Variants in PAPSS1 observed in about 807,000 individuals in gnomAD.
PAPSS1 encodes the protein 3'-phosphoadenosine 5'-phosphosulfate synthase 1.
PAPSS1 carries 50 observed loss-of-function variants against 72.0 expected under a neutral mutation model. The ratio of observed to expected loss-of-function variants is 0.69; its 90% confidence interval spans 0.55 to 0.88. The LOEUF (loss-of-function observed/expected upper bound fraction) is 0.88. PAPSS1 is among the 40% of genes least tolerant of loss of function. The pLI, the probability that PAPSS1 is intolerant of heterozygous loss-of-function variation, is 0.00. For synonymous variants in PAPSS1, 261 were observed against 263.6 expected (o/e 0.99, Z 0.09); for missense variants, 657 against 782.2 (o/e 0.84, Z 1.91).
chr4:107,714,898 G>A (rs1723595704), intron 1 of PAPSS1, among the ~76,000 whole-genome samples: 2 of 152,132 alleles, frequency 1.3e-5, no homozygotes, highest in Admixed American at 1.3e-4. Flanking sequence ...AATACTGCTG[G>A]ACATGCTACC....
intron 1 of PAPSS1, among the ~76,000 whole-genome samples, chr4:107,709,789 T>C (rs775424641): frequency 2.0e-5 from 3 of 152,186 alleles, no homozygotes; most frequent in Non-Finnish European, 2.9e-5. Context: ...GCTGCACCCA[T>C]TGCCTTGCCA....
At chr4:107,678,891 T>G (rs2110334638) in intron 5 of PAPSS1, among the ~76,000 whole-genome samples, 1 of 152,264 alleles carries the variant, frequency 6.6e-6, no homozygotes, top group East Asian at 1.9e-4. Context: ...CCCAGGGTCC[T>G]CTGTTTCTGG....
Position 107,614,256 on chromosome 4 carries a change from T to C in PAPSS1, c.1868A>G (p.Lys623Arg). The C allele has an allele frequency of 6.2e-7, 1 of 1,613,338 alleles. No individual in the cohort carries two copies. Among genetic ancestry groups the C allele is most frequent in the Non-Finnish European group, 8.5e-7 (1 of 1,179,582 alleles). ...VLTEYYKSLE[K>R]A The stretch of plus-strand genomic sequence containing the variant: ...AGTGACTGGGTTAACAGCCTAAGCT[T>C]TCTCCAAGGATTTGTAGTATTCTGT... The change falls in exon 12 of 12, where the codon AAA becomes AGA. Residue 623 changes from lysine to arginine, a missense_variant. Lys to Arg is a conservative substitution (Grantham distance 26). Transcript: ENST00000265174.
intron 9 of PAPSS1, among the ~76,000 whole-genome samples, chr4:107,648,336 T>C (rs1041145026): frequency 6.6e-6 from 1 of 152,212 alleles, no homozygotes; most frequent in Non-Finnish European, 1.5e-5. Context: ...CAGCAAGGAC[T>C]GTCGTGTCGT....
Position 107,614,014 on chromosome 4 carries a change from T to C in PAPSS1, c.*235A>G. The C allele has an allele frequency of 3.0e-6, 1 of 334,170 alleles. No individual in the cohort carries two copies. Among genetic ancestry groups the C allele is most frequent in the Admixed American group, 4.7e-5 (1 of 21,168 alleles). The allele number at this position is 334,170 out of a possible 1,614,324, so 20.7% of individuals were successfully genotyped here. A position where few individuals can be genotyped will look rare whatever the true frequency, so the allele number is the denominator to read the frequency against. On this transcript the variant is annotated 3_prime_UTR_variant, in exon 12 of 12. Transcript: ENST00000265174. ...TAATATAAAAAGACAATTTTAAAAT[T>C]GTATTGTAGGAATATAACTATAATA... is the stretch of plus-strand genomic sequence containing the variant.
chr4:107,667,156 C>T (rs1011747487), intron 5 of PAPSS1, among the ~76,000 whole-genome samples: 5 of 152,118 alleles, frequency 3.3e-5, no homozygotes, highest in African/African-American at 1.2e-4. Context: ...AAATGTGCGA[C>T]GTAAAGCCTA....
At chr4:107,634,111 G>A (rs533964085) in intron 10 of PAPSS1, among the ~76,000 whole-genome samples, 10 of 151,974 alleles carry the variant, frequency 6.6e-5, no homozygotes, top group South Asian at 2.1e-4. Flanking sequence ...TCAGCCTCCC[G>A]GGCTCAGGCA....
At chr4:107,719,882 G>C (rs1723733945) in intron 1 of PAPSS1, 2 of 1,348,176 alleles carry the variant, frequency 1.5e-6, no homozygotes, top group Non-Finnish European at 1.9e-6. Flanking sequence ...TTCTTCCCAC[G>C]AACGGTGGCT....
chr4:107,701,970 C>T (rs1723215071), intron 1 of PAPSS1, among the ~76,000 whole-genome samples: 2 of 86,162 alleles, frequency 2.3e-5, no homozygotes, highest in South Asian at 1.3e-3. Context: ...TCTCCCAAAG[C>T]TGCTTCAAAA....
chr4:107,695,237 T>C (rs1732144368), intron 2 of PAPSS1, among the ~76,000 whole-genome samples: 1 of 152,190 alleles, frequency 6.6e-6, no homozygotes, highest in African/African-American at 2.4e-5. Flanking sequence ...CCCAGGTATT[T>C]TACTCTCTTT....
At chr4:107,701,755 CAG>C (rs1335085840) in intron 1 of PAPSS1, among the ~76,000 whole-genome samples, 8 of 152,096 alleles carry the variant, frequency 5.3e-5, no homozygotes, top group Admixed American at 5.2e-4. Context: ...ACTACAACAT[CAG>C]AGAGTGATAA....
Position 107,657,021 on chromosome 4 carries a change from A to G in PAPSS1, c.784-14T>C. The G allele has an allele frequency of 6.4e-7, 1 of 1,571,520 alleles. No homozygotes were observed. Among genetic ancestry groups the G allele is most frequent in the Non-Finnish European group, 8.8e-7 (1 of 1,141,500 alleles). The stretch of plus-strand genomic sequence containing the variant: ...CTGCATATCCACCTAGTAAATTTGA[A>G]AGTAAAGCAAAATTTTCTATTGCAT... On this transcript the variant is annotated splice_polypyrimidine_tract_variant and intron_variant, in intron 6 of 11. Transcript: ENST00000265174.
intron 11 of PAPSS1, among the ~76,000 whole-genome samples, chr4:107,619,136 T>TTA (rs1197866533): frequency 6.6e-6 from 1 of 152,216 alleles, no homozygotes. Context: ...GACAGCAGCT[T>TTA]GCTAGATGAC....
At chr4:107,620,725 C>A (rs907356759) in intron 11 of PAPSS1, among the ~76,000 whole-genome samples, 27 of 152,022 alleles carry the variant, frequency 1.8e-4, no homozygotes, top group African/African-American at 6.5e-4. Flanking sequence ...ATTATCTGGC[C>A]CAAAAGGCCA....
chr4:107,719,187 G>GTTTTT (rs9307313), intron 1 of PAPSS1, among the ~76,000 whole-genome samples: 3,964 of 146,384 alleles, frequency 0.027, 124 homozygotes, highest in African/African-American at 0.077. Flanking sequence ...GAAATTGCTT[G>GTTTTT]TTTTTTTTTT....
chr4:107,645,933 CA>C (rs1726681378), intron 9 of PAPSS1, among the ~76,000 whole-genome samples: 1 of 152,200 alleles, frequency 6.6e-6, no homozygotes, highest in South Asian at 2.1e-4. Flanking sequence ...ATCACTGTAA[CA>C]AAAGGTACCA....
rs1289263440 is a variant in PAPSS1, at chr4:107,687,142, T to G, written c.447A>C (p.Ala149=). 6.3e-7 allele frequency: 1 copy of G among 1,593,664 alleles called. No homozygotes were observed. Among genetic ancestry groups the G allele is most frequent in the Non-Finnish European group, 8.5e-7 (1 of 1,173,642 alleles). The change falls in exon 4 of 12, where the codon GCA becomes GCC. Residue 149 remains alanine (A), a synonymous_variant. Transcript: ENST00000265174. ...RNNARQIHEG[A]SLPFFEVFVD... Reference sequence around the variant, plus strand: ...CAAATACTTCAAAAAACGGTAAACTTGCACCTTCATGAATTTGCCTTGCAT... The same window carrying G: ...CAAATACTTCAAAAAACGGTAAACTGGCACCTTCATGAATTTGCCTTGCAT...
At chr4:107,677,470 T>C (rs1237314483) in intron 5 of PAPSS1, among the ~76,000 whole-genome samples, 2 of 152,032 alleles carry the variant, frequency 1.3e-5, no homozygotes, top group Non-Finnish European at 2.9e-5. Flanking sequence ...GAAATGCAAA[T>C]CAAAACCACA....
chr4:107,705,008 T>C (rs1723299308), intron 1 of PAPSS1, among the ~76,000 whole-genome samples: 1 of 151,794 alleles, frequency 6.6e-6, no homozygotes. Flanking sequence ...CTGAAATAAA[T>C]CCCACTTGAT....
Sources: gnomAD v4.1 joint callset for allele counts (sites outside exome capture counted in the v4.1 genomes callset) on GRCh38, gnomAD v4.1.1 for gene constraint, MANE v1.5 for transcripts, NCBI Gene and HGNC (gene_info 2026-07-23, HGNC 2026-07-21) for gene names.